TEX15: variants seen among roughly 807,000 people sequenced by gnomAD.
TEX15 encodes testis-expressed protein 15.
TEX15 carries 171 observed loss-of-function variants against 237.3 expected under a neutral mutation model. The ratio of observed to expected loss-of-function variants is 0.72; its 90% CI spans 0.64 to 0.82. The LOEUF is 0.82. TEX15 is among the 40% of genes least tolerant of loss of function. The pLI is 0.00. For synonymous variants in TEX15, 1,338 were observed against 1,269.8 expected (o/e 1.05, Z -1.14); for missense variants, 3,750 against 3,646.5 (o/e 1.03, Z -0.73).
rs531959534 is a variant in TEX15, at chr8:30,901,220, G to C, written c.-85-2403C>G. On this transcript the variant is annotated intron_variant, in intron 1 of 10. Transcript: ENST00000643185. ...TCTCTACCAGAAGCTATCTAGTAGA[G>C]TACCTATAAATTTAATCTGCAGAAG... is the stretch of plus-strand genomic sequence containing the variant. Among the ~76,000 whole-genome samples the C allele has an allele frequency of 6.6e-5, 10 of 152,300 alleles. No individual in the cohort carries two copies. In the South Asian group the frequency reaches 1.2e-3, roughly 19 times the overall value.
chr8:30,910,184 A>C (rs950841013), intron 1 of TEX15, among the ~76,000 whole-genome samples: 5 of 152,146 alleles, frequency 3.3e-5, no homozygotes, highest in Admixed American at 6.5e-5. Context: ...AAAAAAAAAA[A>C]AACTTTAAAG....
intron 7 of TEX15, among the ~76,000 whole-genome samples, chr8:30,851,892 C>T (rs915605997): frequency 6.6e-6 from 1 of 151,900 alleles, no homozygotes. Context: ...CGAGATGGCA[C>T]CACTGCACTC....
At chr8:30,908,078 C>T (rs998576451) in intron 1 of TEX15, among the ~76,000 whole-genome samples, 1 of 151,994 alleles carries the variant, frequency 6.6e-6, no homozygotes, top group Non-Finnish European at 1.5e-5. Context: ...CATGTGCCAC[C>T]GCATCACATT....
rs1563231047 is a variant in TEX15 at position 30,842,027 on chromosome 8, CAGT to C, written c.8137_8139del (p.Thr2713del). On this transcript the variant is annotated inframe_deletion, in exon 8 of 11. Coordinates refer to ENST00000643185, the MANE Select transcript of TEX15 (RefSeq NM_001350162.2). ...ACCTTTAGCTTTTTACAACTGGAAA[CAGT>C]AGTATCTTGCTGTTGTTCCTGAGAG... 1 of 1,594,720 alleles carries C rather than the reference CAGT, an allele frequency of 6.3e-7. No individual in the cohort carries two copies.
intron 3 of TEX15, among the ~76,000 whole-genome samples, chr8:30,880,315 C>T (rs1182521233): frequency 3.3e-5 from 5 of 152,216 alleles, no homozygotes; most frequent in Non-Finnish European, 5.9e-5. Context: ...CAGGTGTGAG[C>T]CACCATGACC....
intron 4 of TEX15, among the ~76,000 whole-genome samples, chr8:30,868,618 T>G (rs932367120): frequency 6.6e-6 from 1 of 151,988 alleles, no homozygotes; most frequent in Non-Finnish European, 1.5e-5. Flanking sequence ...GACTGACTGA[T>G]TAGATAATGA....
intron 7 of TEX15, among the ~76,000 whole-genome samples, chr8:30,853,452 TAAA>T (rs1807834435): frequency 6.6e-6 from 1 of 151,744 alleles, no homozygotes; most frequent in South Asian, 2.1e-4. Context: ...AAAATTAAAA[TAAA>T]AACACAACAA....
At chr8:30,885,512 T>C (rs1808628202) in intron 3 of TEX15, among the ~76,000 whole-genome samples, 1 of 152,226 alleles carries the variant, frequency 6.6e-6, no homozygotes, top group Non-Finnish European at 1.5e-5. Context: ...CTTTCTTTTG[T>C]AAATTGCCCA....
At chr8:30,869,444 T>C (rs543925473) in intron 4 of TEX15, among the ~76,000 whole-genome samples, 2 of 152,180 alleles carry the variant, frequency 1.3e-5, no homozygotes, top group South Asian at 4.1e-4. Context: ...TGAAATCATT[T>C]GGAACCATTT....
chr8:30,894,081 T>A (rs1293118001), intron 2 of TEX15, among the ~76,000 whole-genome samples: 1 of 152,218 alleles, frequency 6.6e-6, no homozygotes, highest in African/African-American at 2.4e-5. Flanking sequence ...ATTATTACTA[T>A]CTTCATTAAT....
At chr8:30,860,088 G>T in intron 5 of TEX15, 31 bp from the exon 6 acceptor site, 1 of 1,424,828 alleles carries the variant, frequency 7.0e-7, no homozygotes, top group East Asian at 2.6e-5. Context: ...AAAAAAGTAC[G>T]TAAAAATATA....
chr8:30,896,957 A>C (rs534915497), intron 2 of TEX15, among the ~76,000 whole-genome samples: 161 of 152,274 alleles, frequency 1.1e-3, no homozygotes, highest in African/African-American at 3.6e-3. Flanking sequence ...GGGTGGTGGG[A>C]GGGTATCTAA....
intron 1 of TEX15, among the ~76,000 whole-genome samples, chr8:30,903,777 A>C (rs1273818274): frequency 1.3e-5 from 2 of 152,230 alleles, no homozygotes; most frequent in African/African-American, 2.4e-5. Context: ...TGCCTGCTTA[A>C]AGCCACTTGT....
chr8:30,857,330 C>T (rs1287757106), intron 7 of TEX15, among the ~76,000 whole-genome samples: 2 of 151,702 alleles, frequency 1.3e-5, no homozygotes, highest in African/African-American at 2.4e-5. Flanking sequence ...GAAAACATAC[C>T]CATAAAGTTT....
intron 3 of TEX15, among the ~76,000 whole-genome samples, chr8:30,877,114 A>G (rs961978542): frequency 1.3e-5 from 2 of 152,204 alleles, no homozygotes; most frequent in Non-Finnish European, 2.9e-5. Context: ...TAGCACCATC[A>G]CTAGGAAAAG....
chr8:30,858,164 C>G (rs1280000042), intron 7 of TEX15, among the ~76,000 whole-genome samples: 2 of 152,134 alleles, frequency 1.3e-5, no homozygotes, highest in African/African-American at 4.8e-5. Flanking sequence ...AGAAAATGAA[C>G]AAACTACAGT....
Position 30,867,521 on chromosome 8 carries a change from T to C in TEX15, c.303-19A>G, listed in dbSNP as rs779707904. 2.8e-6 allele frequency: 4 copies of C among 1,407,298 alleles called. No homozygotes were observed. The South Asian group carries it at 4.9e-5, about 17-fold the overall frequency. 87.2% of individuals were successfully genotyped at this position (1,407,298 alleles called of 1,614,324 possible). On this transcript the variant is annotated intron_variant, in intron 4 of 10. Coordinates refer to ENST00000643185, the MANE Select transcript of TEX15 (RefSeq NM_001350162.2). Reference sequence around the variant, plus strand: ...CTCTGACCTAAAGTAAAACAAACAATGTATACAGTTAAAGATAAATATCAA... The same window carrying C: ...CTCTGACCTAAAGTAAAACAAACAACGTATACAGTTAAAGATAAATATCAA...
In TEX15 at chr8:30,849,144, G is replaced by A. The variant is rs1355330484; in HGVS notation, c.1023C>T (p.Asn341=). The A allele has an allele frequency of 3.2e-6, 5 of 1,573,404 alleles. No homozygotes were observed. The highest frequency in any genetic ancestry group is 4.3e-6 in the Non-Finnish European group (5 of 1,160,444). The change falls in exon 8 of 11, where the codon AAC becomes AAT. Residue 341 remains asparagine (N), a synonymous_variant. Coordinates refer to ENST00000643185, the MANE Select transcript of TEX15 (RefSeq NM_001350162.2). ...TTCCATTTTGTACATTTCCATAGGAGTTAGAAATATTTGAGATGAAAGGAT... is the reference window on the plus strand; with the variant it reads ...TTCCATTTTGTACATTTCCATAGGAATTAGAAATATTTGAGATGAAAGGAT... ...EINPFISNIS[N]SYGNVQNGNI... is the part of the protein sequence containing the mutation.
intron 1 of TEX15, among the ~76,000 whole-genome samples, chr8:30,906,909 GA>G: frequency 6.6e-6 from 1 of 152,042 alleles, no homozygotes; most frequent in East Asian, 1.9e-4. Flanking sequence ...TTTCTAGAGA[GA>G]AAAATGGATT....
Sources: gnomAD v4.1 joint callset for allele counts (sites outside exome capture counted in the v4.1 genomes callset) on GRCh38, gnomAD v4.1.1 for gene constraint, MANE v1.5 for transcripts, NCBI Gene and HGNC (gene_info 2026-07-23, HGNC 2026-07-21) for gene names.